Variants in DSCAM observed in about 807,000 individuals in gnomAD.
DSCAM encodes the protein cell adhesion molecule DSCAM.
In DSCAM, 47 loss-of-function variants were observed where a neutral mutation model predicts 217.7. That is an observed-to-expected ratio of 0.22 (90% CI 0.17 to 0.28). The LOEUF is 0.28. DSCAM is among the 10% of genes least tolerant of loss of function. DSCAM has a pLI of 1.00. For missense variants in DSCAM, 2,080 were observed against 2,618.3 expected, an observed-to-expected ratio of 0.79 and a Z score of 4.49; for synonymous variants, 1,056 against 1,015.3, an observed-to-expected ratio of 1.04 and a Z score of -0.76.
chr21:40,586,354 C>A (rs1452617664), intron 3 of DSCAM, among the ~76,000 whole-genome samples: 1 of 152,146 alleles, frequency 6.6e-6, no homozygotes, highest in Non-Finnish European at 1.5e-5. Flanking sequence ...TCCTTTACAG[C>A]AACATAAAAG....
Position 40,778,382 on chromosome 21 carries a change from G to A in DSCAM, c.43+68237C>T, listed in dbSNP as rs546151399. Among the ~76,000 whole-genome samples the A allele has an allele frequency of 1.5e-3, 223 of 152,252 alleles. 1 individual carries two copies. The highest frequency in any genetic ancestry group is 3.4e-3 in the Middle Eastern group (1 of 294). ...TTCTTTGTTTTTGAGACGGAGTCCTGCTCTGTCACCCAGCCACCGTGCCTG... is the reference window on the plus strand; with the variant it reads ...TTCTTTGTTTTTGAGACGGAGTCCTACTCTGTCACCCAGCCACCGTGCCTG... On this transcript the variant is annotated intron_variant, in intron 1 of 32. Coordinates refer to ENST00000400454, the MANE Select transcript of DSCAM (RefSeq NM_001389.5).
At chr21:40,178,095 C>T (rs1390711169) in intron 15 of DSCAM, among the ~76,000 whole-genome samples, 3 of 152,196 alleles carry the variant, frequency 2.0e-5, no homozygotes, top group Non-Finnish European at 2.9e-5. Context: ...GAAACCCAAG[C>T]GCAGTGGCTT....
chr21:40,296,202 T>C (rs1344858610), intron 9 of DSCAM, 28 bp from the exon 10 acceptor site: 2 of 1,612,618 alleles, frequency 1.2e-6, no homozygotes, highest in Non-Finnish European at 1.7e-6. Context: ...TCACCAGTAA[T>C]TAAGACTAGA....
At chr21:40,737,630 A>C (rs1399484280) in intron 1 of DSCAM, among the ~76,000 whole-genome samples, 1 of 152,050 alleles carries the variant, frequency 6.6e-6, no homozygotes, top group Non-Finnish European at 1.5e-5. Flanking sequence ...AAAAGAGCAA[A>C]ACTCCATCTC....
intron 1 of DSCAM, among the ~76,000 whole-genome samples, chr21:40,782,548 T>C (rs1166154652): frequency 6.6e-6 from 1 of 152,024 alleles, no homozygotes. Context: ...GGCAATGCGG[T>C]GAAGTCCCAT....
chr21:40,418,546 CA>C lies in DSCAM; in HGVS notation c.509-49302del, dbSNP rs150792724. Among the ~76,000 whole-genome samples the C allele has an allele frequency of 6.0e-3, 917 of 152,240 alleles. 9 individuals are homozygous for C. The highest frequency in any genetic ancestry group is 0.02 in the African/African-American group (825 of 41,536). On this transcript the variant is annotated intron_variant, in intron 3 of 32. Transcript: ENST00000400454. Reference sequence around the variant, plus strand: ...ACATGGGTTTTACTGGCAATCAAAGCAAGCCTTCTTTTGCTCAGGATTGCCG... The same window carrying C: ...ACATGGGTTTTACTGGCAATCAAAGCAGCCTTCTTTTGCTCAGGATTGCCG...
intron 2 of DSCAM, among the ~76,000 whole-genome samples, chr21:40,700,525 T>C (rs2090644111): frequency 6.6e-6 from 1 of 152,204 alleles, no homozygotes; most frequent in African/African-American, 2.4e-5. Context: ...TTTGTGGTCA[T>C]AATGTATTAT....
At chr21:40,580,362 G>A (rs1039263712) in intron 3 of DSCAM, among the ~76,000 whole-genome samples, 6 of 151,956 alleles carry the variant, frequency 3.9e-5, no homozygotes, top group Admixed American at 1.3e-4. Context: ...GTGAAACCCC[G>A]TCTCTACTAA....
chr21:40,765,469 G>T lies in DSCAM; in HGVS notation c.44-56698C>A, dbSNP rs778734940. Among the ~76,000 whole-genome samples the T allele has an allele frequency of 3.9e-4, 59 of 152,216 alleles. No individual in the cohort carries two copies. The Middle Eastern group carries it at 0.017, about 44-fold the overall frequency. The stretch of plus-strand genomic sequence containing the variant: ...TTTATTATGAATTGTTTATTCTCTG[G>T]GGTATCTATGACCACAGTGTGCAAG... On this transcript the variant is annotated intron_variant, in intron 1 of 32. Coordinates refer to ENST00000400454, the MANE Select transcript of DSCAM (RefSeq NM_001389.5).
chr21:40,733,949 T>C (rs913717664), intron 1 of DSCAM, among the ~76,000 whole-genome samples: 6 of 152,182 alleles, frequency 3.9e-5, no homozygotes, highest in African/African-American at 1.4e-4. Context: ...TCTCTATATC[T>C]TTCTGTTAAT....
chr21:40,271,885 T>G (rs577182570), intron 11 of DSCAM, among the ~76,000 whole-genome samples: 23 of 152,306 alleles, frequency 1.5e-4, no homozygotes, highest in African/African-American at 5.5e-4. Flanking sequence ...AGTTTTCCTC[T>G]GCCCCTTTTG....
chr21:40,021,205 CAAAA>C (rs763435750), intron 32 of DSCAM, among the ~76,000 whole-genome samples: 13 of 85,082 alleles, frequency 1.5e-4, no homozygotes, highest in African/African-American at 2.4e-4. Context: ...GACTCCGTCT[CAAAA>C]AAAAAAAAAA....
At chr21:40,835,664 G>C (rs550608303) in intron 1 of DSCAM, among the ~76,000 whole-genome samples, 2 of 152,252 alleles carry the variant, frequency 1.3e-5, no homozygotes, top group South Asian at 2.1e-4. Context: ...AGGAGGGAAA[G>C]TTATTTTTAA....
At chr21:40,479,549 G>A (rs1245120844) in intron 3 of DSCAM, among the ~76,000 whole-genome samples, 1 of 152,212 alleles carries the variant, frequency 6.6e-6, no homozygotes, top group African/African-American at 2.4e-5. Flanking sequence ...GAGGAGCAAA[G>A]GCATGTCTTA....
At chr21:40,313,212 C>T (rs549216580) in intron 8 of DSCAM, among the ~76,000 whole-genome samples, 1 of 151,452 alleles carries the variant, frequency 6.6e-6, no homozygotes, top group South Asian at 2.1e-4. Flanking sequence ...ATTATAAATT[C>T]TTATTTCATA....
rs565274149 is a variant in DSCAM at position 40,287,305 on chromosome 21, G to A, written c.2182+8750C>T. 2.6e-5 allele frequency among the ~76,000 whole-genome samples: 4 copies of A among 152,358 alleles called. 1 individual carries two copies. The South Asian group carries it at 8.3e-4, about 32-fold the overall frequency. On this transcript the variant is annotated intron_variant, in intron 10 of 32. Coordinates refer to ENST00000400454, the MANE Select transcript of DSCAM (RefSeq NM_001389.5). ...CTGACTTGGTCATCTCACCAGAGAG[G>A]TCTGAAACTGGTGTTGGCAGAAAAT...
chr21:40,429,965 C>G (rs1347899960), intron 3 of DSCAM, among the ~76,000 whole-genome samples: 1 of 152,112 alleles, frequency 6.6e-6, no homozygotes, highest in Non-Finnish European at 1.5e-5. Flanking sequence ...AGAAAAGAGC[C>G]TTCAGAGCAA....
chr21:40,513,501 G>C (rs2076276604), intron 3 of DSCAM, among the ~76,000 whole-genome samples: 1 of 152,180 alleles, frequency 6.6e-6, no homozygotes, highest in Non-Finnish European at 1.5e-5. Context: ...GCCTCAGGGA[G>C]CTTCAAATCA....
chr21:40,276,125 G>C lies in DSCAM; in HGVS notation c.2328C>G (p.Val776=). 1 of 1,602,524 alleles carries C rather than the reference G, an allele frequency of 6.2e-7. No homozygotes were observed. The highest frequency in any genetic ancestry group is 8.5e-7 in the Non-Finnish European group (1 of 1,175,562). The change falls in exon 11 of 33, where the codon GTC becomes GTG. Residue 776 remains valine (V), a synonymous_variant. Coordinates refer to ENST00000400454, the MANE Select transcript of DSCAM (RefSeq NM_001389.5). ...TAACCGTGAGGTACATGGACTTGCT[G>C]ACGTCTGCGCCCACATCGTTGCTGA... ...CKVSNDVGAD[V]SKSMYLTVKI...
Sources: allele counts gnomAD v4.1 joint callset (sites outside exome capture counted in the v4.1 genomes callset), GRCh38; gene constraint gnomAD v4.1.1; transcripts MANE v1.5; gene names NCBI Gene and HGNC (gene_info 2026-07-23, HGNC 2026-07-21).